The following DIAPH2 variants were observed in gnomAD, a reference collection of about 807,000 sequenced individuals.
The protein encoded by DIAPH2 is diaphanous related formin 2.
In DIAPH2, 35 loss-of-function variants were observed where a neutral mutation model predicts 92.7. The observed-to-expected ratio is 0.38, with a 90% CI of 0.29 to 0.50. The LOEUF (loss-of-function observed/expected upper bound fraction) is 0.50. Among genes scored for constraint, DIAPH2 ranks in the 20% least tolerant of loss-of-function variants. The pLI, the probability that DIAPH2 is intolerant of heterozygous loss-of-function variation, is 0.94. For missense variants in DIAPH2, 701 were observed against 819.5 expected (o/e 0.86, Z 1.77); for synonymous variants, 301 against 280.4 (o/e 1.07, Z -0.73).
intron 1 of DIAPH2, among the ~76,000 whole-genome samples, chrX:96,700,706 A>G (rs920350234): frequency 5.3e-5 from 6 of 112,271 alleles, no homozygotes; most frequent in Non-Finnish European, 1.1e-4. Flanking sequence ...ACAGACACAC[A>G]TGGACACACA....
intron 22 of DIAPH2, among the ~76,000 whole-genome samples, chrX:97,237,615 T>A (rs1215090644): frequency 9.1e-6 from 1 of 110,247 alleles, no homozygotes; most frequent in Non-Finnish European, 1.9e-5. Context: ...TCTCTCTCGC[T>A]CTGTCGCCCA....
chrX:97,348,123 C>T lies in DIAPH2; in HGVS notation c.2852C>T (p.Thr951Ile), dbSNP rs763611614. The T allele has an allele frequency of 8.3e-7, 1 of 1,209,005 alleles. No homozygotes were observed. The highest frequency in any genetic ancestry group is 2.2e-5 in the Admixed American group (1 of 45,608). ...DKFVEKMTSF[T>I]KTAREQYEKL... Reference sequence around the variant, plus strand: ...TCCTTAACAAAAAGCTACAGCTTTACAAAGACTGCCCGAGAACAGTATGAA... The same window carrying T: ...TCCTTAACAAAAAGCTACAGCTTTATAAAGACTGCCCGAGAACAGTATGAA... The change falls in exon 24 of 27, where the codon ACA (threonine) becomes ATA (isoleucine). Residue 951 changes from threonine to isoleucine, a missense_variant. Coordinates refer to ENST00000324765, the MANE Select transcript of DIAPH2 (RefSeq NM_006729.5).
intron 21 of DIAPH2, among the ~76,000 whole-genome samples, chrX:97,117,591 G>A (rs2067025330): frequency 8.9e-6 from 1 of 111,912 alleles, no homozygotes; most frequent in Admixed American, 9.5e-5. Context: ...AAGCTATAGA[G>A]TATGTTAAAA....
chrX:97,082,699 A>G (rs749618208), intron 19 of DIAPH2, among the ~76,000 whole-genome samples: 44 of 111,585 alleles, frequency 3.9e-4, no homozygotes, highest in Non-Finnish European at 6.8e-4. Context: ...CTTTTTCCTT[A>G]TATAAACTTC....
At chrX:97,392,960 A>G (rs975664774) in intron 25 of DIAPH2, among the ~76,000 whole-genome samples, 4 of 111,372 alleles carry the variant, frequency 3.6e-5, no homozygotes, top group Admixed American at 1.9e-4. Flanking sequence ...TTTGATTTGG[A>G]AAATTGTTGG....
intron 23 of DIAPH2, among the ~76,000 whole-genome samples, chrX:97,260,678 A>G (rs1311702574): frequency 8.9e-6 from 1 of 111,943 alleles, no homozygotes; most frequent in African/African-American, 3.2e-5. Context: ...TTCTCCCCCA[A>G]AAGTTGCTTT....
intron 17 of DIAPH2, among the ~76,000 whole-genome samples, chrX:97,066,030 TA>T (rs1250131485): frequency 2.7e-5 from 3 of 111,481 alleles, no homozygotes; most frequent in African/African-American, 9.8e-5. Flanking sequence ...GTCAAAAGTT[TA>T]AAAAAAACAA....
At chrX:97,291,319 G>A (rs967835572) in intron 23 of DIAPH2, among the ~76,000 whole-genome samples, 21 of 110,779 alleles carry the variant, frequency 1.9e-4, no homozygotes, top group African/African-American at 6.2e-4. Context: ...AACCTGGGAG[G>A]TAGAGGAGAC....
intron 19 of DIAPH2, among the ~76,000 whole-genome samples, chrX:97,086,442 G>C (rs974770755): frequency 2.7e-5 from 3 of 111,723 alleles, no homozygotes; most frequent in Non-Finnish European, 5.6e-5. Context: ...ATTTCAGATA[G>C]GAGGAATAGT....
chrX:97,359,286 T>G (rs1304484042), intron 24 of DIAPH2, among the ~76,000 whole-genome samples: 1 of 111,821 alleles, frequency 8.9e-6, no homozygotes, highest in Non-Finnish European at 1.9e-5. Flanking sequence ...GCTGTGCACT[T>G]TGATTTAAGA....
intron 21 of DIAPH2, among the ~76,000 whole-genome samples, chrX:97,116,648 T>G (rs1022167663): frequency 1.8e-5 from 2 of 111,913 alleles, no homozygotes; most frequent in Non-Finnish European, 3.8e-5. Context: ...ATAAAGAGAT[T>G]ATAAGTTAAA....
At chrX:96,876,648 A>T (rs1345858679) in intron 4 of DIAPH2, among the ~76,000 whole-genome samples, 1 of 110,663 alleles carries the variant, frequency 9.0e-6, no homozygotes. Context: ...TTCTCAGCAA[A>T]CTATGGCAAG....
chrX:96,782,541 C>T (rs1366530281), intron 4 of DIAPH2, among the ~76,000 whole-genome samples: 10 of 111,273 alleles, frequency 9.0e-5, no homozygotes, highest in East Asian at 2.8e-4. Context: ...CCTCGTGATC[C>T]GCCCGCCTCG....
chrX:97,021,138 G>A (rs1161180013), intron 17 of DIAPH2, among the ~76,000 whole-genome samples: 1 of 112,171 alleles, frequency 8.9e-6, no homozygotes, highest in Non-Finnish European at 1.9e-5. Flanking sequence ...GTAAGATCTT[G>A]CTGGATGGGG....
chrX:97,551,544 C>T (rs895800188), intron 26 of DIAPH2, among the ~76,000 whole-genome samples: 4 of 107,358 alleles, frequency 3.7e-5, no homozygotes, highest in Admixed American at 3.0e-4. Context: ...GAGCCGAGAT[C>T]GTGCCGCCAT....
chrX:96,797,996 T>C (rs771086396), intron 4 of DIAPH2, among the ~76,000 whole-genome samples: 13 of 112,801 alleles, frequency 1.2e-4, no homozygotes, highest in Non-Finnish European at 1.9e-4. Flanking sequence ...CTGCAGATAC[T>C]CAAGTCTCTT....
chrX:97,421,414 T>A (rs1205930392), intron 25 of DIAPH2, among the ~76,000 whole-genome samples: 2 of 111,620 alleles, frequency 1.8e-5, no homozygotes, highest in African/African-American at 6.5e-5. Flanking sequence ...TATCTACAAA[T>A]CTGTATAACT....
At chrX:97,471,757 A>G (rs968153705) in intron 26 of DIAPH2, among the ~76,000 whole-genome samples, 4 of 108,096 alleles carry the variant, frequency 3.7e-5, no homozygotes, top group Non-Finnish European at 7.7e-5. Flanking sequence ...ACATTTCTTG[A>G]GTACCTATTG....
chrX:97,593,726 A>AT (rs1254820756), intron 26 of DIAPH2, among the ~76,000 whole-genome samples: 2 of 111,689 alleles, frequency 1.8e-5, no homozygotes, highest in African/African-American at 6.5e-5. Flanking sequence ...TTTCTAATAA[A>AT]TATTTCAATT....
Sources: allele counts gnomAD v4.1 joint callset (sites outside exome capture counted in the v4.1 genomes callset), GRCh38; gene constraint gnomAD v4.1.1; transcripts MANE v1.5; gene names NCBI Gene and HGNC (gene_info 2026-07-23, HGNC 2026-07-21).